Variants in RTN4 observed in about 807,000 individuals in gnomAD.
The protein encoded by RTN4 is reticulon-4.
RTN4 carries 32 observed loss-of-function variants against 90.4 expected under a neutral mutation model. The observed-to-expected ratio is 0.35, with a 90% confidence interval of 0.27 to 0.48. RTN4 has a LOEUF of 0.48. RTN4 is among the 20% of genes least tolerant of loss of function. The pLI is 0.99. For synonymous variants in RTN4, 629 were observed against 552.5 expected, an observed-to-expected ratio of 1.14 and a Z score of -1.94; for missense variants, 1,706 against 1,430.2, an observed-to-expected ratio of 1.19 and a Z score of -3.11.
intron 2 of RTN4, among the ~76,000 whole-genome samples, chr2:55,071,812 T>C (rs1668519668): frequency 6.6e-6 from 1 of 152,160 alleles, no homozygotes; most frequent in South Asian, 2.1e-4. Context: ...GGGAAAAAGT[T>C]GTAAAGATCA....
intron 2 of RTN4, among the ~76,000 whole-genome samples, chr2:55,063,805 TG>T (rs1047395415): frequency 2.6e-5 from 4 of 151,488 alleles, no homozygotes; most frequent in African/African-American, 9.7e-5. Flanking sequence ...TGCTTGAACC[TG>T]GGAGGCAGAG....
intron 1 of RTN4, among the ~76,000 whole-genome samples, chr2:55,103,314 G>A (rs1196912276): frequency 6.6e-6 from 1 of 151,906 alleles, no homozygotes; most frequent in Non-Finnish European, 1.5e-5. Flanking sequence ...CCAGAGACTT[G>A]GGAAAGGGAA....
chr2:54,990,651 T>C (rs566299240), intron 3 of RTN4, among the ~76,000 whole-genome samples: 82 of 152,364 alleles, frequency 5.4e-4, no homozygotes, highest in Non-Finnish European at 4.9e-4. Context: ...TGTTGTGTTA[T>C]ATTGTAAACA....
At chr2:55,039,819 T>C (rs377743216) in intron 1 of RTN4, among the ~76,000 whole-genome samples, 255 of 152,272 alleles carry the variant, frequency 1.7e-3, no homozygotes, top group African/African-American at 5.7e-3. Context: ...GCTGGATGCT[T>C]GATACTAATT....
intron 2 of RTN4, among the ~76,000 whole-genome samples, chr2:55,078,191 T>G (rs1668638260): frequency 6.6e-6 from 1 of 152,110 alleles, no homozygotes; most frequent in African/African-American, 2.4e-5. Flanking sequence ...AAAAAAAAAT[T>G]TAAAAGAAAG....
chr2:55,061,048 C>G lies in RTN4; in HGVS notation c.-63+19441G>C, dbSNP rs560832841. On this transcript the variant is annotated intron_variant, in intron 2 of 3. Coordinates refer to the RTN4 transcript ENST00000427710. ...CATTCTTCGTCTAAATTTTAGTATG[C>G]ATATTTTAAAAATAAGAATTTTTTT... Among the ~76,000 whole-genome samples, 17 of 148,360 alleles carry G rather than the reference C, an allele frequency of 1.1e-4. 1 individual carries two copies. The highest frequency in any genetic ancestry group is 4.3e-4 in the African/African-American group (17 of 39,932).
upstream of RTN4, among the ~76,000 whole-genome samples, chr2:55,051,150 G>A (rs1056191710): frequency 1.3e-5 from 2 of 152,172 alleles, no homozygotes; most frequent in Non-Finnish European, 2.9e-5. Flanking sequence ...CCCGAAATTG[G>A]GAGGAAAACA....
At chr2:55,068,889 C>A (rs942881476) in intron 2 of RTN4, among the ~76,000 whole-genome samples, 3 of 152,294 alleles carry the variant, frequency 2.0e-5, no homozygotes, top group Admixed American at 2.0e-4. Flanking sequence ...TTCAGTGAAA[C>A]CGGCTTTTCT....
At chr2:55,036,626 TA>T (rs34909333) in intron 1 of RTN4, among the ~76,000 whole-genome samples, 41,936 of 131,172 alleles carry the variant, frequency 0.32, 7,962 homozygotes, top group East Asian at 0.62. Flanking sequence ...AAAAAAAAAT[TA>T]AAAAAATTTA....
chr2:55,034,061 A>G (rs960209570), intron 1 of RTN4, among the ~76,000 whole-genome samples: 2 of 152,218 alleles, frequency 1.3e-5, no homozygotes, highest in Non-Finnish European at 2.9e-5. Context: ...GTTAACAAAA[A>G]TATTATGACA....
intron 3 of RTN4, among the ~76,000 whole-genome samples, chr2:55,019,915 T>C (rs918587987): frequency 1.3e-5 from 2 of 151,788 alleles, no homozygotes; most frequent in Non-Finnish European, 2.9e-5. Context: ...AACAACAAAC[T>C]AGCTGAAAAA....
At chr2:55,068,634 G>A (rs925052860) in intron 2 of RTN4, among the ~76,000 whole-genome samples, 1 of 128,660 alleles carries the variant, frequency 7.8e-6, no homozygotes, top group East Asian at 2.5e-4. Flanking sequence ...CAGTTTGTCT[G>A]CCAGTCGCTC....
chr2:54,993,619 G>A (rs900083492), intron 3 of RTN4, among the ~76,000 whole-genome samples: 3 of 152,012 alleles, frequency 2.0e-5, no homozygotes, highest in Admixed American at 6.6e-5. Flanking sequence ...AATTACATAC[G>A]TAAGCCCACA....
chr2:55,124,523 C>G, the RTN4 span, among the ~76,000 whole-genome samples: 1 of 152,238 alleles, frequency 6.6e-6, no homozygotes, highest in South Asian at 2.1e-4. Flanking sequence ...TGAAAGATCT[C>G]TACAATGAGA....
chr2:54,999,852 G>C (rs890259636), intron 3 of RTN4, among the ~76,000 whole-genome samples: 2 of 152,102 alleles, frequency 1.3e-5, no homozygotes, highest in Non-Finnish European at 2.9e-5. Flanking sequence ...ACTGACAGGC[G>C]AAGGTCCACA....
intron 1 of RTN4, among the ~76,000 whole-genome samples, chr2:55,104,292 A>C (rs1165744159): frequency 1.3e-5 from 2 of 149,874 alleles, no homozygotes; most frequent in African/African-American, 2.5e-5. Context: ...CCTGACCTCA[A>C]GTGATCCACC....
the RTN4 span, among the ~76,000 whole-genome samples, chr2:55,122,602 G>C: frequency 3.3e-5 from 5 of 152,334 alleles, no homozygotes; most frequent in South Asian, 8.3e-4. Flanking sequence ...GCTGGCAGCA[G>C]TCCATGCACA....
At chr2:54,989,073 C>T (rs1200252529) in intron 3 of RTN4, among the ~76,000 whole-genome samples, 1 of 152,136 alleles carries the variant, frequency 6.6e-6, no homozygotes, top group Non-Finnish European at 1.5e-5. Context: ...CCCAAGGTCC[C>T]CTAAGATGTA....
Position 55,065,114 on chromosome 2 carries a change from G to T in RTN4, c.-63+15375C>A, listed in dbSNP as rs533996511. Among the ~76,000 whole-genome samples the T allele has an allele frequency of 1.4e-4, 21 of 152,290 alleles. No individual in the cohort carries two copies. The South Asian group carries it at 3.3e-3, about 24-fold the overall frequency. ...TATCTGTAGCCTGAAAAAGCCATCGGTTCTACTCTCATAGGATGTCTTCTT... is the reference window on the plus strand; with the variant it reads ...TATCTGTAGCCTGAAAAAGCCATCGTTTCTACTCTCATAGGATGTCTTCTT... On this transcript the variant is annotated intron_variant, in intron 2 of 3. Coordinates refer to the RTN4 transcript ENST00000427710.
Sources: gnomAD v4.1 joint callset for allele counts (sites outside exome capture counted in the v4.1 genomes callset) on GRCh38, gnomAD v4.1.1 for gene constraint, MANE v1.5 for transcripts, NCBI Gene and HGNC (gene_info 2026-07-23, HGNC 2026-07-21) for gene names.